Variants in PCSK6 observed in about 807,000 individuals in gnomAD.
The protein encoded by PCSK6 is proprotein convertase subtilisin/kexin type 6, also known as paired basic amino acid cleaving enzyme 4.
Under a neutral mutation model 123.3 loss-of-function variants are expected in PCSK6, and 85 were observed. That is an observed-to-expected ratio of 0.69 (90% CI 0.58 to 0.83). PCSK6 has a LOEUF of 0.83. PCSK6 is among the 40% of genes least tolerant of loss of function. The probability of loss-of-function intolerance (pLI) is 0.00; values close to 1 mark genes in which losing one functional copy is unlikely to be tolerated. For missense variants in PCSK6, 1,191 were observed against 1,282.3 expected (o/e 0.93, Z 1.09); for synonymous variants, 508 against 516.0 (o/e 0.98, Z 0.21).
intron 10 of PCSK6, among the ~76,000 whole-genome samples, chr15:101,383,080 C>T (rs10152309): frequency 0.16 from 24,435 of 152,008 alleles, 2,032 homozygotes; most frequent in South Asian, 0.2. Context: ...AATACTACGG[C>T]CAAATGAAAT....
At chr15:101,333,402 G>C (rs144677437) in intron 13 of PCSK6, among the ~76,000 whole-genome samples, 1 of 152,190 alleles carries the variant, frequency 6.6e-6, no homozygotes, top group African/African-American at 2.4e-5. Context: ...TGTCTCCTGC[G>C]ACCCAAGCTG....
intron 1 of PCSK6, among the ~76,000 whole-genome samples, chr15:101,467,324 G>C (rs887392986): frequency 1.3e-5 from 2 of 151,018 alleles, no homozygotes; most frequent in African/African-American, 4.9e-5. Flanking sequence ...CCAGGCTGGA[G>C]TGCAATGGCA....
chr15:101,475,959 T>C (rs552344884), intron 1 of PCSK6, among the ~76,000 whole-genome samples: 29 of 152,302 alleles, frequency 1.9e-4, no homozygotes, highest in African/African-American at 7.0e-4. Context: ...GCACTATCTG[T>C]TGGGAGAGCC....
intron 6 of PCSK6, among the ~76,000 whole-genome samples, chr15:101,410,400 G>T (rs1552947): frequency 0.29 from 44,170 of 152,108 alleles, 7,080 homozygotes; most frequent in African/African-American, 0.44. Context: ...ATTAGAGAGA[G>T]AGAGAAGGAG....
chr15:101,310,237 A>G (rs1360671577), intron 20 of PCSK6, among the ~76,000 whole-genome samples: 1 of 152,210 alleles, frequency 6.6e-6, no homozygotes, highest in Non-Finnish European at 1.5e-5. Context: ...CAGCACTGTC[A>G]GCCTCTGCAG....
At position 101,305,136 on chromosome 15, in the gene PCSK6, G is replaced by A. The variant is rs2039691546; in HGVS notation, c.*122C>T. 1 of 792,304 alleles carries A rather than the reference G, an allele frequency of 1.3e-6. No individual in the cohort carries two copies. The highest frequency in any genetic ancestry group is 2.1e-6 in the Non-Finnish European group (1 of 482,554). The allele number at this position is 792,304 out of a possible 1,614,324, so 49.1% of individuals were successfully genotyped here. On this transcript the variant is annotated 3_prime_UTR_variant, in exon 22 of 22. Transcript: ENST00000611716. This position sits in a 1 kb window ranked among gnomAD's most constrained non-coding sequence, Gnocchi z 4.8. ...TTGGGTGCTCAGAGATGCTGCTCCT[G>A]GGGAGATAAAGCTGTCAGGTGCAGG...
intron 1 of PCSK6, among the ~76,000 whole-genome samples, chr15:101,472,258 A>G (rs780131248): frequency 2.0e-5 from 3 of 152,212 alleles, no homozygotes; most frequent in Admixed American, 6.5e-5. Context: ...GAAGGGGCCG[A>G]CGCAGAAATC....
At chr15:101,343,996 T>C (rs2040675851) in intron 13 of PCSK6, among the ~76,000 whole-genome samples, 3 of 151,854 alleles carry the variant, frequency 2.0e-5, no homozygotes, top group African/African-American at 7.3e-5. Flanking sequence ...GAATCACTTG[T>C]ATGTGGGAGG....
At chr15:101,421,077 G>A (rs1467176185) in intron 6 of PCSK6, among the ~76,000 whole-genome samples, 1 of 152,182 alleles carries the variant, frequency 6.6e-6, no homozygotes, top group Non-Finnish European at 1.5e-5. Flanking sequence ...CTCCCAAGTA[G>A]CTGGGACTAC....
At chr15:101,488,886 G>A (rs2058085703) in intron 1 of PCSK6, among the ~76,000 whole-genome samples, 1 of 150,858 alleles carries the variant, frequency 6.6e-6, no homozygotes, top group Non-Finnish European at 1.5e-5. Flanking sequence ...AGCGGCCGCG[G>A]CCGCCTTGGC....
At chr15:101,370,644 CG>C (rs2041556025) in intron 11 of PCSK6, 121 bp from the exon 12 acceptor site, 1 of 869,072 alleles carries the variant, frequency 1.2e-6, no homozygotes, top group Non-Finnish European at 1.6e-6. Flanking sequence ...CTGCGGGCCC[CG>C]GGGAGCCGCA....
chr15:101,331,657 G>A lies in PCSK6; in HGVS notation c.2071C>T (p.Gln691Ter). The change falls in exon 15 of 22, where the codon CAG (glutamine) becomes TAG (stop). Residue 691 changes from glutamine (Q) to a stop codon, truncating the protein, a stop_gained. Transcript: ENST00000611716. LOFTEE classifies it high-confidence loss of function. ...TGGTTTGAAGCATACTTACTGGTCT[G>A]TAAAATATTAGCAGAGCCTGGGGTG... is the stretch of plus-strand genomic sequence containing the variant. ...QSTPGSANILQTSVCHPECGD... is the reference protein window; with the variant it reads ...QSTPGSANIL The A allele has an allele frequency of 6.2e-7, 1 of 1,613,570 alleles. No homozygotes were observed. Among genetic ancestry groups the A allele is most frequent in the South Asian group, 1.1e-5 (1 of 90,950 alleles).
chr15:101,347,838 C>A, intron 13 of PCSK6: 1 of 1,387,338 alleles, frequency 7.2e-7, no homozygotes, highest in South Asian at 1.2e-5. Context: ...AGGTGCAATC[C>A]CAGGGCAACA....
chr15:101,429,365 T>C (rs1443333747), intron 5 of PCSK6, among the ~76,000 whole-genome samples: 1 of 152,102 alleles, frequency 6.6e-6, no homozygotes, highest in African/African-American at 2.4e-5. Flanking sequence ...ACGCCCACCA[T>C]TTCGGAAGAA....
chr15:101,409,380 T>C (rs915502134), intron 6 of PCSK6, among the ~76,000 whole-genome samples: 1 of 151,986 alleles, frequency 6.6e-6, no homozygotes, highest in Non-Finnish European at 1.5e-5. Context: ...GGTCAGGAGA[T>C]CGAGACCATC....
At position 101,451,667 on chromosome 15, in the gene PCSK6, T is replaced by A. The variant is rs929711817; in HGVS notation, c.298-8007A>T. Among the ~76,000 whole-genome samples the A allele has an allele frequency of 3.9e-5, 6 of 152,230 alleles. No individual in the cohort carries two copies. The South Asian group carries it at 6.2e-4, about 16-fold the overall frequency. On this transcript the variant is annotated intron_variant, in intron 1 of 21. Transcript: ENST00000611716. ...GCGTGCCTGCTTCCGGAGCCGCTTG[T>A]CTGTCTTCAGGGCCGGCATCTGCCG...
chr15:101,310,793 C>A (rs1301633924), intron 20 of PCSK6, among the ~76,000 whole-genome samples: 1 of 152,206 alleles, frequency 6.6e-6, no homozygotes, highest in Non-Finnish European at 1.5e-5. Flanking sequence ...TTACACACAG[C>A]CTGGGAGGCA....
intron 6 of PCSK6, among the ~76,000 whole-genome samples, chr15:101,411,390 G>A (rs191105223): frequency 6.6e-6 from 1 of 152,216 alleles, no homozygotes; most frequent in East Asian, 1.9e-4. Flanking sequence ...CGATGCCCTG[G>A]GAGCGGGGAG....
chr15:101,444,061 C>T (rs1411992061), intron 1 of PCSK6, among the ~76,000 whole-genome samples: 2 of 152,140 alleles, frequency 1.3e-5, no homozygotes, highest in Admixed American at 6.5e-5. Flanking sequence ...ATAAACAAAC[C>T]CCATCCTCTC....
Sources: allele counts gnomAD v4.1 joint callset (sites outside exome capture counted in the v4.1 genomes callset), GRCh38; gene constraint gnomAD v4.1.1; non-coding constraint Gnocchi (gnomAD v3.1); transcripts MANE v1.5; gene names NCBI Gene and HGNC (gene_info 2026-07-23, HGNC 2026-07-21).